Variants in LRRC63 observed in about 807,000 individuals in gnomAD.
LRRC63 encodes the protein leucine rich repeat containing 63, also known as leucine-rich repeat-containing protein 63.
Under a neutral mutation model 49.5 loss-of-function variants are expected in LRRC63, and 40 were observed. The ratio of observed to expected loss-of-function variants is 0.81; its 90% CI spans 0.63 to 1.05. The LOEUF is 1.05. Among genes scored for constraint, LRRC63 ranks in the 50% least tolerant of loss-of-function variants. The probability of loss-of-function intolerance (pLI) is 0.00; values close to 1 mark genes in which losing one functional copy is unlikely to be tolerated. For missense variants in LRRC63, 636 were observed against 663.1 expected (o/e 0.96, Z 0.45); for synonymous variants, 191 against 221.1 (o/e 0.86, Z 1.21).
intron 9 of LRRC63, among the ~76,000 whole-genome samples, chr13:46,274,704 G>T (rs2047808459): frequency 6.6e-6 from 1 of 151,692 alleles, no homozygotes; most frequent in Non-Finnish European, 1.5e-5. Context: ...ATTTTTGTTT[G>T]TTTTTATTTT....
At chr13:46,276,769 T>G (rs113014464) in exon 10 of LRRC63, 4 of 1,217,236 alleles carry the variant, frequency 3.3e-6, no homozygotes, top group African/African-American at 1.6e-5. Context: ...AGTAGAAGAA[T>G]AGCTCTAGAT....
chr13:46,228,111 A>G (rs2046632297), exon 3 of LRRC63: 2 of 1,550,322 alleles, frequency 1.3e-6, no homozygotes, highest in Middle Eastern at 1.7e-4. Context: ...ATTGACACTA[A>G]GAGTTACTGA....
Position 46,251,090 on chromosome 13 carries a change from T to A in LRRC63, c.1226+599T>A, listed in dbSNP as rs867439898. Among the ~76,000 whole-genome samples the A allele has an allele frequency of 6.1e-4, 92 of 151,958 alleles. 1 individual carries two copies. Among genetic ancestry groups the A allele is most frequent in the African/African-American group, 2.1e-3 (89 of 41,546 alleles). On this transcript the variant is annotated intron_variant, in intron 7 of 9. Coordinates refer to ENST00000595396, the Ensembl canonical transcript of LRRC63. ...ACCTTAACCAAATGTCAAAACAAGA[T>A]ACTTATTCCAATCAGAGTTTAACAA...
chr13:46,239,604 T>A (rs2046997833), intron 5 of LRRC63, among the ~76,000 whole-genome samples: 2 of 152,078 alleles, frequency 1.3e-5, no homozygotes, highest in South Asian at 4.1e-4. Flanking sequence ...TCCAAAAAAA[T>A]TGAGGAGGAG....
intron 4 of LRRC63, among the ~76,000 whole-genome samples, chr13:46,232,340 G>A (rs1275981202): frequency 6.6e-6 from 1 of 152,196 alleles, no homozygotes; most frequent in Non-Finnish European, 1.5e-5. Flanking sequence ...CTAATTGTAA[G>A]CTGTGAATGT....
intron 9 of LRRC63, chr13:46,270,075 C>T: frequency 3.4e-6 from 2 of 591,318 alleles, no homozygotes; most frequent in South Asian, 3.8e-5. Context: ...CCTGAGGTCA[C>T]CATGGCTACC....
At chr13:46,250,777 T>C (rs1353558072) in intron 7 of LRRC63, among the ~76,000 whole-genome samples, 1 of 151,978 alleles carries the variant, frequency 6.6e-6, no homozygotes, top group African/African-American at 2.4e-5. Context: ...GCCTTGCACC[T>C]ATCTCTTGAC....
chr13:46,264,406 T>G (rs1025622860), intron 8 of LRRC63, among the ~76,000 whole-genome samples: 1 of 151,854 alleles, frequency 6.6e-6, no homozygotes, highest in Non-Finnish European at 1.5e-5. Flanking sequence ...GGTACCTAGA[T>G]TTTTCCTCAT....
chr13:46,230,227 C>T (rs2046707267), intron 4 of LRRC63, among the ~76,000 whole-genome samples: 1 of 152,120 alleles, frequency 6.6e-6, no homozygotes, highest in Admixed American at 6.5e-5. Flanking sequence ...GCCAATAGTT[C>T]CCCAAAAGTC....
intron 5 of LRRC63, among the ~76,000 whole-genome samples, chr13:46,241,312 A>C (rs2047056131): frequency 6.6e-6 from 1 of 152,210 alleles, no homozygotes; most frequent in African/African-American, 2.4e-5. Flanking sequence ...CACCATATAC[A>C]AAAATTAATT....
chr13:46,254,984 T>A (rs1384611665), intron 7 of LRRC63, among the ~76,000 whole-genome samples: 3 of 152,198 alleles, frequency 2.0e-5, no homozygotes, highest in African/African-American at 7.2e-5. Context: ...ATTGTTTTTA[T>A]TCGCAATAAT....
chr13:46,260,957 G>A (rs1224093834), intron 7 of LRRC63, among the ~76,000 whole-genome samples: 1 of 152,128 alleles, frequency 6.6e-6, no homozygotes, highest in African/African-American at 2.4e-5. Flanking sequence ...TTATTTACAT[G>A]GAAAACAAGA....
intron 5 of LRRC63, among the ~76,000 whole-genome samples, chr13:46,235,943 T>G (rs532680228): frequency 6.6e-6 from 1 of 152,092 alleles, no homozygotes; most frequent in South Asian, 2.1e-4. Context: ...AACAGAGATT[T>G]CAATAAAGAG....
At chr13:46,261,010 A>G (rs982762841) in intron 7 of LRRC63, among the ~76,000 whole-genome samples, 3 of 152,238 alleles carry the variant, frequency 2.0e-5, no homozygotes, top group Non-Finnish European at 4.4e-5. Context: ...GGTGTTTACT[A>G]GGGATTATGA....
intron 7 of LRRC63, among the ~76,000 whole-genome samples, chr13:46,258,126 T>C (rs953155625): frequency 5.8e-5 from 3 of 51,704 alleles, no homozygotes; most frequent in East Asian, 8.6e-4. Context: ...GACCTACTCT[T>C]TTTTTTTTTT....
At chr13:46,246,528 G>T in exon 6 of LRRC63, 2 of 1,430,206 alleles carry the variant, frequency 1.4e-6, no homozygotes, top group Non-Finnish European at 1.8e-6. Context: ...TTCTTTTAGG[G>T]CTTTTTTATC....
At chr13:46,270,277 C>G in intron 9 of LRRC63, 1 of 856,178 alleles carries the variant, frequency 1.2e-6, no homozygotes, top group Non-Finnish European at 2.0e-6. Context: ...AAAGCATTCC[C>G]TGTCAGATCA....
intron 4 of LRRC63, 113 bp downstream of exon 4, chr13:46,228,846 CAT>C (rs1391526825): frequency 1.8e-5 from 12 of 678,116 alleles, no homozygotes; most frequent in African/African-American, 5.5e-5. Context: ...GCATAACACA[CAT>C]ATGTCTTACC....
intron 9 of LRRC63, among the ~76,000 whole-genome samples, chr13:46,271,353 G>A (rs756116916): frequency 2.0e-5 from 3 of 152,130 alleles, no homozygotes; most frequent in Non-Finnish European, 4.4e-5. Flanking sequence ...ATAATGTGAC[G>A]ACCAAAAAGT....
Sources: allele counts gnomAD v4.1 joint callset (sites outside exome capture counted in the v4.1 genomes callset), GRCh38; gene constraint gnomAD v4.1.1; transcripts MANE v1.5; gene names NCBI Gene and HGNC (gene_info 2026-07-23, HGNC 2026-07-21).